WDR41: variants seen among roughly 807,000 people sequenced by gnomAD.
WDR41 encodes WD repeat domain 41.
A neutral mutation model predicts 69.3 loss-of-function variants in WDR41; 63 were observed. The ratio of observed to expected loss-of-function variants is 0.91; its 90% CI spans 0.74 to 1.12. The LOEUF is 1.12. Among genes scored for constraint, WDR41 ranks in the 50% most tolerant of loss-of-function variants. The pLI is 0.00. For synonymous variants in WDR41, 185 were observed against 192.1 expected (o/e 0.96, Z 0.31); for missense variants, 543 against 534.5 (o/e 1.02, Z -0.16).
chr5:77,603,332 T>G (rs1398837232), intron 1 of WDR41, among the ~76,000 whole-genome samples: 1 of 152,224 alleles, frequency 6.6e-6, no homozygotes, highest in Non-Finnish European at 1.5e-5. Context: ...GTTGAGCATT[T>G]TTTCATATAC....
At chr5:77,498,433 A>G (rs951614068) in intron 1 of WDR41, among the ~76,000 whole-genome samples, 1 of 152,308 alleles carries the variant, frequency 6.6e-6, no homozygotes, top group Admixed American at 6.5e-5. Flanking sequence ...ATCCAAATAA[A>G]TGTACTTCAA....
chr5:77,516,358 G>A (rs1045439613), intron 1 of WDR41, among the ~76,000 whole-genome samples: 1 of 152,042 alleles, frequency 6.6e-6, no homozygotes, highest in African/African-American at 2.4e-5. Context: ...GGTAAATAAC[G>A]CATGAATATA....
intron 1 of WDR41, among the ~76,000 whole-genome samples, chr5:77,599,157 C>G (rs1434835077): frequency 6.7e-6 from 1 of 148,528 alleles, no homozygotes; most frequent in African/African-American, 2.5e-5. Flanking sequence ...TATGTCTACT[C>G]CATGCATTTA....
chr5:77,545,826 GC>G, intron 1 of WDR41: 2 of 951,370 alleles, frequency 2.1e-6, no homozygotes, highest in Non-Finnish European at 3.1e-6. Flanking sequence ...GGTGGCCACT[GC>G]CATCCGTGGG....
At chr5:77,532,004 T>C (rs1044192720) in intron 1 of WDR41, among the ~76,000 whole-genome samples, 1 of 152,016 alleles carries the variant, frequency 6.6e-6, no homozygotes, top group Non-Finnish European at 1.5e-5. Context: ...TTTGAGATGA[T>C]GAAAACATTT....
chr5:77,504,643 G>A (rs1335758321), intron 1 of WDR41, among the ~76,000 whole-genome samples: 11 of 152,176 alleles, frequency 7.2e-5, no homozygotes, highest in East Asian at 1.9e-4. Flanking sequence ...CTGGCAAACC[G>A]AATCCAGCAG....
intron 5 of WDR41, among the ~76,000 whole-genome samples, chr5:77,456,423 G>A (rs1248381351): frequency 6.6e-6 from 1 of 152,144 alleles, no homozygotes; most frequent in East Asian, 1.9e-4. Flanking sequence ...TCTGTGTGTT[G>A]ATATTATATC....
Position 77,437,436 on chromosome 5 carries a change from G to C in WDR41, c.1005-12C>G. On this transcript the variant is annotated splice_polypyrimidine_tract_variant and intron_variant, in intron 10 of 12. Transcript: ENST00000296679. Reference sequence around the variant, plus strand: ...ATGAGATTAACTGCCTGTCAGAACAGAAAATCAGTAATACAAAAAGAGCGC... The same window carrying C: ...ATGAGATTAACTGCCTGTCAGAACACAAAATCAGTAATACAAAAAGAGCGC... The C allele has an allele frequency of 6.2e-7, 1 of 1,611,316 alleles. No individual in the cohort carries two copies. The highest frequency in any genetic ancestry group is 8.5e-7 in the Non-Finnish European group (1 of 1,177,904).
intron 1 of WDR41, among the ~76,000 whole-genome samples, chr5:77,578,881 A>G (rs1743884043): frequency 6.6e-6 from 1 of 151,304 alleles, no homozygotes; most frequent in Admixed American, 6.6e-5. Context: ...AAAAAAAAAA[A>G]AAAAGAAGTA....
intron 1 of WDR41, among the ~76,000 whole-genome samples, chr5:77,538,400 G>A (rs1205395368): frequency 6.6e-6 from 1 of 152,270 alleles, no homozygotes; most frequent in Admixed American, 6.5e-5. Flanking sequence ...TGTCACTCAG[G>A]TAGTGAGCAT....
rs1388974756 is a variant in WDR41, at chr5:77,610,435, C to T, written c.42+10044G>A. Among the ~76,000 whole-genome samples, 20 of 152,140 alleles carry T rather than the reference C, an allele frequency of 1.3e-4. 1 individual carries two copies. The highest frequency in any genetic ancestry group is 1.3e-3 in the Admixed American group (20 of 15,266). ...GTCGGGTTACCCACAAAGGGAAGCC[C>T]GTCAGACTAACAGCTGATCTCTCAG... is the stretch of plus-strand genomic sequence containing the variant. On this transcript the variant is annotated intron_variant, in intron 1 of 5. Coordinates refer to the WDR41 transcript ENST00000509971.
chr5:77,501,146 C>T (rs898917496), intron 1 of WDR41, among the ~76,000 whole-genome samples: 1 of 152,370 alleles, frequency 6.6e-6, no homozygotes, highest in East Asian at 1.9e-4. Context: ...ACAGACTGTA[C>T]CTGGAAAAAC....
At chr5:77,503,170 T>C (rs1454343544) in intron 1 of WDR41, among the ~76,000 whole-genome samples, 1 of 113,970 alleles carries the variant, frequency 8.8e-6, no homozygotes, top group African/African-American at 3.6e-5. Flanking sequence ...TGGAGGAAGA[T>C]CTACCAAGCA....
chr5:77,514,340 T>C (rs1802260701), intron 1 of WDR41, among the ~76,000 whole-genome samples: 1 of 152,220 alleles, frequency 6.6e-6, no homozygotes, highest in Admixed American at 6.5e-5. Context: ...CATTAACTTC[T>C]TTCCATTCTT....
At position 77,472,802 on chromosome 5, in the gene WDR41, T is replaced by G. The variant is rs528230154; in HGVS notation, c.168-7993A>C. On this transcript the variant is annotated intron_variant, in intron 2 of 12. Coordinates refer to ENST00000296679, the MANE Select transcript of WDR41 (RefSeq NM_018268.4). ...AAACAAATGGAAGAACATTCCATGC[T>G]CATGGGTAGGAAGAATCAATATCGT... is the stretch of plus-strand genomic sequence containing the variant. 3.3e-5 allele frequency among the ~76,000 whole-genome samples: 5 copies of G among 152,158 alleles called. No homozygotes were observed. In the South Asian group the frequency reaches 1.0e-3, roughly 32 times the overall value.
intron 1 of WDR41, among the ~76,000 whole-genome samples, chr5:77,513,299 C>T (rs373628072): frequency 3.9e-4 from 59 of 152,278 alleles, no homozygotes; most frequent in South Asian, 3.5e-3. Flanking sequence ...GCCAATGAAA[C>T]TTGAATTCTT....
chr5:77,510,058 G>T (rs1413466633), intron 1 of WDR41, among the ~76,000 whole-genome samples: 2 of 152,078 alleles, frequency 1.3e-5, no homozygotes, highest in African/African-American at 2.4e-5. Context: ...AGATCACCAG[G>T]TGTATTAGTC....
At chr5:77,614,827 G>A (rs958635558) in intron 1 of WDR41, among the ~76,000 whole-genome samples, 2 of 151,830 alleles carry the variant, frequency 1.3e-5, no homozygotes, top group Admixed American at 6.6e-5. Flanking sequence ...AAGAAATGTG[G>A]AGGAGAAGGG....
intron 2 of WDR41, among the ~76,000 whole-genome samples, chr5:77,488,919 A>G (rs969773519): frequency 6.6e-6 from 1 of 152,212 alleles, no homozygotes; most frequent in Non-Finnish European, 1.5e-5. Flanking sequence ...AATAGTCTAC[A>G]GTCCTAAAGC....
Sources: allele counts gnomAD v4.1 joint callset (sites outside exome capture counted in the v4.1 genomes callset), GRCh38; gene constraint gnomAD v4.1.1; transcripts MANE v1.5; gene names NCBI Gene and HGNC (gene_info 2026-07-23, HGNC 2026-07-21).